MAP4: variants seen among roughly 807,000 people sequenced by gnomAD.
The protein encoded by MAP4 is microtubule associated protein 4, also known as microtubule-associated protein 4.
In MAP4, 76 loss-of-function variants were observed where a neutral mutation model predicts 170.2. That is an observed-to-expected ratio of 0.45 (90% CI 0.37 to 0.54). The LOEUF is 0.54. Ranked by LOEUF, MAP4 falls within the 20% of genes least tolerant of loss-of-function variation. The pLI, the probability that MAP4 is intolerant of heterozygous loss-of-function variation, is 0.00. For missense variants in MAP4, 2,506 were observed against 2,748.0 expected (o/e 0.91, Z 1.97); for synonymous variants, 909 against 994.5 (o/e 0.91, Z 1.62).
chr3:47,892,134 T>C, intron 10 of MAP4: 2 of 1,536,078 alleles, frequency 1.3e-6, no homozygotes, highest in African/African-American at 1.4e-5. Context: ...TGTACCGAGT[T>C]CCCCTCCAAG....
intron 10 of MAP4, among the ~76,000 whole-genome samples, chr3:47,899,891 C>T (rs1049416188): frequency 1.3e-5 from 2 of 152,198 alleles, no homozygotes; most frequent in Non-Finnish European, 2.9e-5. Context: ...AAGGTGGTTT[C>T]CAGGACTCTT....
chr3:47,946,391 C>T (rs1397181761), intron 3 of MAP4, among the ~76,000 whole-genome samples: 2 of 151,582 alleles, frequency 1.3e-5, no homozygotes, highest in Non-Finnish European at 2.9e-5. Flanking sequence ...TGATGGCTCA[C>T]GCCTGTAATC....
intron 19 of MAP4, among the ~76,000 whole-genome samples, chr3:47,853,941 C>T (rs970324618): frequency 2.6e-5 from 4 of 152,098 alleles, no homozygotes; most frequent in Admixed American, 6.6e-5. Context: ...GCCTGGAGGG[C>T]GTCATAGGAG....
At chr3:47,945,703 T>C (rs2100059373) in intron 3 of MAP4, among the ~76,000 whole-genome samples, 1 of 151,702 alleles carries the variant, frequency 6.6e-6, no homozygotes, top group South Asian at 2.1e-4. Context: ...TGCTGAATAT[T>C]AAAATATTAT....
At chr3:47,860,809 T>A (rs2064310525) in intron 17 of MAP4, among the ~76,000 whole-genome samples, 1 of 152,000 alleles carries the variant, frequency 6.6e-6, no homozygotes, top group African/African-American at 2.4e-5. Context: ...CAAAACCAAA[T>A]AAATTTAAAG....
intron 18 of MAP4, 110 bp downstream of exon 18, chr3:47,857,321 G>T (rs2058176287): frequency 1.2e-6 from 1 of 822,124 alleles, no homozygotes. Flanking sequence ...GTCTTCATGG[G>T]ATGCTAAAGG....
chr3:48,034,086 A>G (rs1443488574), intron 1 of MAP4, among the ~76,000 whole-genome samples: 1 of 152,184 alleles, frequency 6.6e-6, no homozygotes, highest in Non-Finnish European at 1.5e-5. Flanking sequence ...TGTGCCAAGT[A>G]CCTTTCACCT....
At chr3:47,971,992 C>A (rs2100079042) in intron 3 of MAP4, among the ~76,000 whole-genome samples, 2 of 152,222 alleles carry the variant, frequency 1.3e-5, no homozygotes, top group South Asian at 4.1e-4. Flanking sequence ...GTCAATTATT[C>A]CTTATAGTAT....
chr3:47,983,211 T>C (rs1002841374), intron 2 of MAP4, among the ~76,000 whole-genome samples: 5 of 151,940 alleles, frequency 3.3e-5, no homozygotes, highest in Admixed American at 6.6e-5. Flanking sequence ...GGCAAAGATT[T>C]TGACTTAATT....
chr3:48,036,183 CTCTATGCAAAGCAAAATGATCAT>C (rs1219091587), intron 1 of MAP4, among the ~76,000 whole-genome samples: 2 of 152,174 alleles, frequency 1.3e-5, no homozygotes, highest in Non-Finnish European at 1.5e-5. Flanking sequence ...TTATAGCAAG[CTCTATGCAAAGCAAAATGATCAT>C]TCAACAGACT....
intron 2 of MAP4, among the ~76,000 whole-genome samples, chr3:47,997,626 A>C (rs1428206074): frequency 1.3e-5 from 2 of 151,940 alleles, no homozygotes; most frequent in African/African-American, 2.4e-5. Context: ...GAAATTAAAA[A>C]CAGAAAGACA....
Position 47,870,877 on chromosome 3 carries a change from A to G in MAP4, c.6230T>C (p.Leu2077Pro). Reference sequence around the variant, plus strand: ...GCCAACCTTGGAGCGGACATTCTTCAGATCAGGAGCAGAAGTATTGGTGGC... The same window carrying G: ...GCCAACCTTGGAGCGGACATTCTTCGGATCAGGAGCAGAAGTATTGGTGGC... ...RLATNTSAPDLKNVRSKVGST... is the reference protein window; with the variant it reads ...RLATNTSAPDPKNVRSKVGST... Residue 2077 changes from leucine (L) to proline (P), a missense_variant, in exon 15 of 21, where the codon CTG becomes CCG. By Grantham distance (98) the Leu-to-Pro change is moderately conservative. Around this residue, in one of 3 missense-constraint regions of MAP4, gnomAD observed 487 missense variants for 511.6 expected, o/e 0.95. Coordinates refer to ENST00000683076, the MANE Select transcript of MAP4 (RefSeq NM_001385682.1). 1 of 1,611,190 alleles carries G rather than the reference A, an allele frequency of 6.2e-7. No individual in the cohort carries two copies. The highest frequency in any genetic ancestry group is 2.2e-5 in the East Asian group (1 of 44,844).
chr3:47,938,317 G>A (rs1437171990), intron 3 of MAP4, among the ~76,000 whole-genome samples: 1 of 151,824 alleles, frequency 6.6e-6, no homozygotes, highest in East Asian at 2.0e-4. Flanking sequence ...GCAGTGAACC[G>A]AGACTGTGCC....
intron 3 of MAP4, among the ~76,000 whole-genome samples, chr3:47,939,876 C>T (rs2100055232): frequency 6.6e-6 from 1 of 151,766 alleles, no homozygotes; most frequent in Non-Finnish European, 1.5e-5. Flanking sequence ...TGGAGTCTCA[C>T]TCTGTTGCCT....
At chr3:48,080,763 G>A (rs1037919733) in intron 1 of MAP4, among the ~76,000 whole-genome samples, 3 of 152,294 alleles carry the variant, frequency 2.0e-5, no homozygotes, top group Non-Finnish European at 2.9e-5. Flanking sequence ...GGCGGATCAC[G>A]AGGTCAGGAG....
intron 10 of MAP4, among the ~76,000 whole-genome samples, chr3:47,895,039 G>T (rs1169472469): frequency 6.6e-6 from 1 of 151,752 alleles, no homozygotes; most frequent in African/African-American, 2.4e-5. Context: ...AAAAAAAGGG[G>T]GTGAGGAAGA....
chr3:47,972,194 C>A (rs1409969869), intron 3 of MAP4, among the ~76,000 whole-genome samples: 1 of 152,058 alleles, frequency 6.6e-6, no homozygotes, highest in Non-Finnish European at 1.5e-5. Context: ...TACTTGCAAC[C>A]CTACTGTAAA....
intron 1 of MAP4, among the ~76,000 whole-genome samples, chr3:48,024,627 A>G (rs545554145): frequency 6.6e-6 from 1 of 152,352 alleles, no homozygotes; most frequent in Admixed American, 6.5e-5. Context: ...CATGACAGCC[A>G]CAGGCTAAAC....
chr3:47,899,743 C>T (rs1392760902), intron 10 of MAP4, among the ~76,000 whole-genome samples: 17 of 152,192 alleles, frequency 1.1e-4, no homozygotes, highest in Admixed American at 9.8e-4. Context: ...TGACCTGATC[C>T]GTTCCATCAT....
Sources: gnomAD v4.1 joint callset for allele counts (sites outside exome capture counted in the v4.1 genomes callset) on GRCh38, gnomAD v4.1.1 for gene constraint, gnomAD v4.1.1 regional missense constraint, MANE v1.5 for transcripts, NCBI Gene and HGNC (gene_info 2026-07-23, HGNC 2026-07-21) for gene names.